Variants in COL5A1 observed in about 807,000 individuals in gnomAD.
The protein encoded by COL5A1 is collagen alpha-1(V) chain.
A neutral mutation model predicts 263.7 loss-of-function variants in COL5A1; 16 were observed. The observed-to-expected ratio is 0.06, with a 90% CI of 0.04 to 0.09. COL5A1 has a LOEUF of 0.09. COL5A1 is among the 10% of genes least tolerant of loss of function. The pLI, the probability that COL5A1 is intolerant of heterozygous loss-of-function variation, is 1.00. For missense variants in COL5A1, 2,036 were observed against 2,540.5 expected, an observed-to-expected ratio of 0.80 and a Z score of 4.27; for synonymous variants, 1,012 against 1,004.5, an observed-to-expected ratio of 1.01 and a Z score of -0.14.
chr9:134,662,654 C>T (rs1400946966), intron 1 of COL5A1, among the ~76,000 whole-genome samples: 1 of 152,218 alleles, frequency 6.6e-6, no homozygotes, highest in Non-Finnish European at 1.5e-5. Flanking sequence ...TTGTTCTCCA[C>T]CCTCATGCTC....
chr9:134,798,378 G>A, intron 36 of COL5A1, 30 bp from the exon 37 acceptor site: 2 of 1,610,516 alleles, frequency 1.2e-6, no homozygotes, highest in South Asian at 1.1e-5. Context: ...AGACACGAAT[G>A]AACCTCCTTT....
rs1460970665 is a variant in COL5A1, at chr9:134,811,437, C to T, written c.3582+45C>T. The T allele has an allele frequency of 1.9e-6, 3 of 1,613,430 alleles. No homozygotes were observed. In the African/African-American group the frequency reaches 4.0e-5, roughly 22 times the overall value. On this transcript the variant is annotated intron_variant, in intron 45 of 65. Coordinates refer to ENST00000371817, the MANE Select transcript of COL5A1 (RefSeq NM_000093.5). ...GACCTTCGAAAAGCCCCACGCCCCCCCAGAGCTGCTGGCATTGCCAGCATC... is the reference window on the plus strand; with the variant it reads ...GACCTTCGAAAAGCCCCACGCCCCCTCAGAGCTGCTGGCATTGCCAGCATC...
At chr9:134,655,209 C>G (rs978547850) in intron 1 of COL5A1, among the ~76,000 whole-genome samples, 2 of 150,906 alleles carry the variant, frequency 1.3e-5, no homozygotes, top group Non-Finnish European at 3.0e-5. Flanking sequence ...TTGGGCCGGG[C>G]GTCTGTAGGG....
At chr9:134,698,900 C>T (rs532911223) in intron 2 of COL5A1, among the ~76,000 whole-genome samples, 12 of 152,344 alleles carry the variant, frequency 7.9e-5, no homozygotes, top group East Asian at 3.9e-4. Context: ...GCTTGTGGGG[C>T]GGCTCCAGCA....
rs144923074 is a variant in COL5A1, at chr9:134,719,455, A to G, written c.655-7811A>G. Among the ~76,000 whole-genome samples, 47 of 152,340 alleles carry G rather than the reference A, an allele frequency of 3.1e-4. No individual in the cohort carries two copies. In the East Asian group the frequency reaches 8.7e-3, roughly 28 times the overall value. On this transcript the variant is annotated intron_variant, in intron 4 of 65. Coordinates refer to ENST00000371817, the MANE Select transcript of COL5A1 (RefSeq NM_000093.5). ...ATGTATGCACACACACAGTGACACAACACACCAGCCAACCCCAGATCCTGG... is the reference window on the plus strand; with the variant it reads ...ATGTATGCACACACACAGTGACACAGCACACCAGCCAACCCCAGATCCTGG...
In COL5A1 at chr9:134,809,956, A is replaced by G. The variant is rs3811153; in HGVS notation, c.3475-299A>G. Among the ~76,000 whole-genome samples the G allele has an allele frequency of 0.44, 66,947 of 152,052 alleles. 14,964 individuals carry two copies. Among genetic ancestry groups the G allele is most frequent in the African/African-American group, 0.51 (21,099 of 41,460 alleles). ...CATAGTAATTGAGTTGCCTGTTGTT[A>G]GGTTGTCATGGTAGTGGCCCAATTT... is the stretch of plus-strand genomic sequence containing the variant. On this transcript the variant is annotated intron_variant, in intron 43 of 65. Transcript: ENST00000371817.
At chr9:134,814,616 G>A (rs1838668545) in intron 49 of COL5A1, among the ~76,000 whole-genome samples, 181 bp from the exon 50 acceptor site, 1 of 152,224 alleles carries the variant, frequency 6.6e-6, no homozygotes, top group South Asian at 2.1e-4. Context: ...CCCTCAGGGT[G>A]CACACAGGAG....
At chr9:134,708,887 C>T (rs1224085438) in intron 4 of COL5A1, 1 of 456,566 alleles carries the variant, frequency 2.2e-6, no homozygotes, top group Non-Finnish European at 4.4e-6. Context: ...CTGCCGCTTC[C>T]AGCCCCGGGT....
intron 37 of COL5A1, among the ~76,000 whole-genome samples, chr9:134,799,053 C>T (rs992473686): frequency 1.1e-4 from 17 of 152,156 alleles, no homozygotes; most frequent in South Asian, 2.1e-4. Flanking sequence ...AGAAAACAAG[C>T]GCCAGTCAGG....
rs72774423 is a variant in COL5A1, at chr9:134,752,366, C to T, written c.1663-223C>T. ...GAGGAAACGGGGGCCCACTGGCTTGCACCTCTGCATGTCCCACGTCACTCC... is the reference window on the plus strand; with the variant it reads ...GAGGAAACGGGGGCCCACTGGCTTGTACCTCTGCATGTCCCACGTCACTCC... On this transcript the variant is annotated intron_variant, in intron 13 of 65. Coordinates refer to ENST00000371817, the MANE Select transcript of COL5A1 (RefSeq NM_000093.5). 6.0e-5 allele frequency among the ~76,000 whole-genome samples: 9 copies of T among 149,996 alleles called. No individual in the cohort carries two copies. In the South Asian group the frequency reaches 6.3e-4, roughly 10 times the overall value.
Position 134,754,247 on chromosome 9 carries a change from G to A in COL5A1, c.1774-26G>A, listed in dbSNP as rs1159156521. 6.2e-7 allele frequency: 1 copy of A among 1,612,744 alleles called. No individual in the cohort carries two copies. The highest frequency in any genetic ancestry group is 1.3e-5 in the African/African-American group (1 of 74,934). ...TCCTGAGAAAGGCGGACTCGCCACT[G>A]ACCCTTTGTCTCTTACCCCTGGCAG... On this transcript the variant is annotated intron_variant, in intron 15 of 65. Transcript: ENST00000371817. The surrounding 1 kb of genome is among the most constrained non-coding windows in gnomAD (Gnocchi z 4.3).
intron 1 of COL5A1, among the ~76,000 whole-genome samples, chr9:134,689,478 G>A (rs985010363): frequency 2.6e-5 from 4 of 152,284 alleles, no homozygotes; most frequent in East Asian, 1.9e-4. Flanking sequence ...GGGATACACC[G>A]GTTTCTGTCA....
At chr9:134,813,289 G>A (rs1464069461) in intron 48 of COL5A1, among the ~76,000 whole-genome samples, 1 of 152,074 alleles carries the variant, frequency 6.6e-6, no homozygotes, top group Non-Finnish European at 1.5e-5. Flanking sequence ...TTGCCTGACT[G>A]CAAAAGCACC....
chr9:134,792,805 G>GTA (rs1837749267), intron 32 of COL5A1, among the ~76,000 whole-genome samples: 1 of 132,502 alleles, frequency 7.5e-6, no homozygotes, highest in East Asian at 2.2e-4. Flanking sequence ...GCATGTGTGC[G>GTA]TGCATGTGTG....
chr9:134,750,257 C>T (rs1367409152), intron 11 of COL5A1, among the ~76,000 whole-genome samples: 1 of 152,162 alleles, frequency 6.6e-6, no homozygotes, highest in African/African-American at 2.4e-5. Flanking sequence ...GCCTTGAGGC[C>T]CCAGAGGACG....
intron 1 of COL5A1, among the ~76,000 whole-genome samples, chr9:134,690,480 C>G (rs1163258760): frequency 6.6e-6 from 1 of 152,216 alleles, no homozygotes; most frequent in African/African-American, 2.4e-5. Flanking sequence ...CTGTGGCCTT[C>G]CAGCATCTGC....
At chr9:134,828,801 C>T (rs566815877) in intron 63 of COL5A1, among the ~76,000 whole-genome samples, 1 of 150,878 alleles carries the variant, frequency 6.6e-6, no homozygotes, top group East Asian at 2.0e-4. Context: ...ACAGACATTA[C>T]ACACAGATAC....
chr9:134,725,485 C>A (rs74786477), intron 4 of COL5A1, among the ~76,000 whole-genome samples: 2,738 of 152,312 alleles, frequency 0.018, 94 homozygotes, highest in African/African-American at 0.062. Flanking sequence ...TGCTTTGGAA[C>A]ACCCAGGGTG....
rs571609053 is a variant in COL5A1 at position 134,805,149 on chromosome 9, A to G, written c.3205-12A>G. On this transcript the variant is annotated splice_polypyrimidine_tract_variant and intron_variant, in intron 40 of 65. Coordinates refer to ENST00000371817, the MANE Select transcript of COL5A1 (RefSeq NM_000093.5). The stretch of plus-strand genomic sequence containing the variant: ...CCACGTGCCCTTGACCAACCTTTTC[A>G]TGGCTTTGCAGGGAGCTCTTGGACT... 6.2e-7 allele frequency: 1 copy of G among 1,613,924 alleles called. No homozygotes were observed. The highest frequency in any genetic ancestry group is 8.5e-7 in the Non-Finnish European group (1 of 1,179,976).
Sources: allele counts gnomAD v4.1 joint callset (sites outside exome capture counted in the v4.1 genomes callset), GRCh38; gene constraint gnomAD v4.1.1; non-coding constraint Gnocchi (gnomAD v3.1); transcripts MANE v1.5; gene names NCBI Gene and HGNC (gene_info 2026-07-23, HGNC 2026-07-21).